Variants in FMNL3 observed in about 807,000 individuals in gnomAD.
The protein encoded by FMNL3 is formin like 3.
A neutral mutation model predicts 119.6 loss-of-function variants in FMNL3; 57 were observed. That is an observed-to-expected ratio of 0.48 (90% CI 0.39 to 0.59). The LOEUF (loss-of-function observed/expected upper bound fraction) is 0.59. FMNL3 is among the 20% of genes least tolerant of loss of function. FMNL3 has a pLI of 0.00. For missense variants in FMNL3, 1,053 were observed against 1,323.5 expected (o/e 0.80, Z 3.17); for synonymous variants, 491 against 507.3 (o/e 0.97, Z 0.43).
intron 6 of FMNL3, among the ~76,000 whole-genome samples, 179 bp downstream of exon 6, chr12:49,658,263 G>T (rs902645053): frequency 2.0e-5 from 3 of 152,118 alleles, no homozygotes; most frequent in Non-Finnish European, 4.4e-5. Context: ...AGGACAGACC[G>T]CTGGGCAGAG....
At chr12:49,700,714 CAAAAA>C (rs59073094) in intron 1 of FMNL3, among the ~76,000 whole-genome samples, 2 of 63,992 alleles carry the variant, frequency 3.1e-5, no homozygotes, top group African/African-American at 6.4e-5. Context: ...GACTCCACCT[CAAAAA>C]AAAAAAAAAA....
chr12:49,676,333 T>C lies in FMNL3; in HGVS notation c.127-7779A>G, dbSNP rs538489477. ...GAGAAATGTCATTAAAGGGAGGGAA[T>C]ATAACCTTCTTTTCTCCTTTCTGCT... On this transcript the variant is annotated intron_variant, in intron 1 of 25. Coordinates refer to ENST00000335154, the MANE Select transcript of FMNL3 (RefSeq NM_175736.5). Among the ~76,000 whole-genome samples, 7 of 152,268 alleles carry C rather than the reference T, an allele frequency of 4.6e-5. No individual in the cohort carries two copies. In the South Asian group the frequency reaches 1.5e-3, roughly 32 times the overall value.
chr12:49,662,943 G>A (rs1431299966), intron 4 of FMNL3, among the ~76,000 whole-genome samples: 1 of 152,172 alleles, frequency 6.6e-6, no homozygotes, highest in Non-Finnish European at 1.5e-5. Flanking sequence ...CAGAATTTCT[G>A]GGGGTCTTTA....
At chr12:49,704,964 C>T (rs915002743) in intron 1 of FMNL3, among the ~76,000 whole-genome samples, 4 of 152,158 alleles carry the variant, frequency 2.6e-5, no homozygotes, top group African/African-American at 9.7e-5. Context: ...AAGCCTGTAC[C>T]TGGGTCAAAC....
chr12:49,702,380 A>AAAGCAC (rs1203365210), intron 1 of FMNL3, among the ~76,000 whole-genome samples: 1 of 152,236 alleles, frequency 6.6e-6, no homozygotes, highest in African/African-American at 2.4e-5. Flanking sequence ...TAAAGGTTTT[A>AAAGCAC]AAGCACATCA....
intron 1 of FMNL3, among the ~76,000 whole-genome samples, chr12:49,675,418 G>A (rs182107922): frequency 1.3e-5 from 2 of 152,292 alleles, no homozygotes; most frequent in African/African-American, 2.4e-5. Flanking sequence ...GCAGAGCCTC[G>A]CATTCTCCCT....
Position 49,665,906 on chromosome 12 carries a change from C to T in FMNL3, c.294G>A (p.Lys98=), listed in dbSNP as rs1481327734. 1 of 1,614,190 alleles carries T rather than the reference C, an allele frequency of 6.2e-7. No homozygotes were observed. The highest frequency in any genetic ancestry group is 1.1e-5 in the South Asian group (1 of 91,080). ...TTGACTCCTGCACCCTCCTCCTGAA[C>T]TTCTGTAAAAAGGGTAGGAAAGGAA... ...SFLDPSVTRK[K]FRRRVQESTK... The change falls in exon 4 of 26, where the codon AAG becomes AAA. Residue 98 remains lysine, a splice_region_variant and synonymous_variant. Coordinates refer to ENST00000335154, the MANE Select transcript of FMNL3 (RefSeq NM_175736.5).
intron 9 of FMNL3, 106 bp downstream of exon 9, chr12:49,656,298 G>C: frequency 2.5e-6 from 2 of 801,550 alleles, no homozygotes; most frequent in South Asian, 1.8e-5. Flanking sequence ...CAAGCATTGG[G>C]ATGTTAAAAA....
rs1398120438 is a variant in FMNL3 at position 49,640,644 on chromosome 12, C to T, written c.*5171G>A. ...CTCCGTAAGTTCCGTGTCTCTGAGC[C>T]TGTTTGCTCACCTGTAAATCAGGGA... On this transcript the variant is annotated 3_prime_UTR_variant, in exon 26 of 26. Coordinates refer to ENST00000335154, the MANE Select transcript of FMNL3 (RefSeq NM_175736.5). 1 of 152,190 alleles carries T rather than the reference C, an allele frequency of 6.6e-6. No individual in the cohort carries two copies. Among genetic ancestry groups the T allele is most frequent in the African/African-American group, 2.4e-5 (1 of 41,432 alleles). 9.4% of individuals were successfully genotyped at this position (152,190 alleles called of 1,614,324 possible).
chr12:49,691,962 G>C (rs1944615586), intron 1 of FMNL3, among the ~76,000 whole-genome samples: 1 of 149,562 alleles, frequency 6.7e-6, no homozygotes, highest in Admixed American at 6.7e-5. Flanking sequence ...TTGAACCCGG[G>C]AGGTGGAGGT....
At chr12:49,666,903 A>C (rs1943906975) in intron 2 of FMNL3, among the ~76,000 whole-genome samples, 1 of 152,178 alleles carries the variant, frequency 6.6e-6, no homozygotes, top group Non-Finnish European at 1.5e-5. Flanking sequence ...GGCTTTGTAG[A>C]ATCCAACTTT....
chr12:49,651,596 G>A, intron 14 of FMNL3, 146 bp from the exon 15 acceptor site: 1 of 804,594 alleles, frequency 1.2e-6, no homozygotes, highest in Non-Finnish European at 1.8e-6. Context: ...TGCTCAAGCT[G>A]CTCCCAGAAA....
chr12:49,637,720 T>G lies in FMNL3; in HGVS notation c.*8095A>C. ...CTGCCGCCCGCCAGGCCCCCCTCCC[T>G]CCCTCCTTACAGGCTCCACCCCTCT... On this transcript the variant is annotated 3_prime_UTR_variant, in exon 26 of 26. Transcript: ENST00000335154. The G allele has an allele frequency of 3.2e-6, 2 of 634,098 alleles. No homozygotes were observed. Among genetic ancestry groups the G allele is most frequent in the Non-Finnish European group, 5.1e-6 (2 of 390,478 alleles). 39.3% of individuals were successfully genotyped at this position (634,098 alleles called of 1,614,324 possible). A position where few individuals can be genotyped will look rare whatever the true frequency, so the allele number is the denominator to read the frequency against.
intron 1 of FMNL3, among the ~76,000 whole-genome samples, chr12:49,701,704 T>C (rs1199340979): frequency 6.6e-6 from 1 of 152,096 alleles, no homozygotes; most frequent in Non-Finnish European, 1.5e-5. Context: ...GGCAGATCAC[T>C]TGAGGCCAGG....
chr12:49,683,063 A>G (rs568731329), intron 1 of FMNL3, among the ~76,000 whole-genome samples: 7 of 152,052 alleles, frequency 4.6e-5, no homozygotes, highest in African/African-American at 9.7e-5. Context: ...TTCTGCCACA[A>G]ATCTGTTTTT....
rs1943093843 is a variant in FMNL3 at position 49,644,765 on chromosome 12, T to C, written c.*1050A>G. 6.3e-6 allele frequency: 1 copy of C among 159,478 alleles called. No individual in the cohort carries two copies. The highest frequency in any genetic ancestry group is 2.4e-5 in the African/African-American group (1 of 41,508). 9.9% of individuals were successfully genotyped at this position (159,478 alleles called of 1,614,324 possible). ...CTCATGGCAGGCCTGCTTCCCTTTG[T>C]GTGGCTAGAGCCCACCTAGCCGGTT... On this transcript the variant is annotated 3_prime_UTR_variant, in exon 26 of 26. Transcript: ENST00000335154.
At chr12:49,665,395 C>G (rs1254949468) in intron 4 of FMNL3, among the ~76,000 whole-genome samples, 1 of 152,216 alleles carries the variant, frequency 6.6e-6, no homozygotes, top group Admixed American at 6.5e-5. Context: ...TTCTCCCAAA[C>G]AAGCAAATAA....
chr12:49,652,364 AGGAAGCT>A, intron 13 of FMNL3, 152 bp from the exon 14 acceptor site: 1 of 1,398,402 alleles, frequency 7.2e-7, no homozygotes, highest in Non-Finnish European at 9.4e-7. Context: ...TGGGGGAATG[AGGAAGCT>A]GGAAGGCAGC....
rs1421803020 is a variant in FMNL3 at position 49,637,045 on chromosome 12, A to T, written c.*8770T>A. Reference sequence around the variant, plus strand: ...AATTCTGGACTGTGCTCTTCTAGGGAGACTAGATGTATGCACCACCCAGAA... The same window carrying T: ...AATTCTGGACTGTGCTCTTCTAGGGTGACTAGATGTATGCACCACCCAGAA... On this transcript the variant is annotated 3_prime_UTR_variant, in exon 26 of 26. Transcript: ENST00000335154. 1.2e-6 allele frequency: 1 copy of T among 807,116 alleles called. No homozygotes were observed. Among genetic ancestry groups the T allele is most frequent in the Admixed American group, 2.8e-5 (1 of 36,008 alleles). The allele number at this position is 807,116 out of a possible 1,614,324, so 50.0% of individuals were successfully genotyped here.
Sources: allele counts gnomAD v4.1 joint callset (sites outside exome capture counted in the v4.1 genomes callset), GRCh38; gene constraint gnomAD v4.1.1; transcripts MANE v1.5; gene names NCBI Gene and HGNC (gene_info 2026-07-23, HGNC 2026-07-21).